The following MAGI2 variants were observed in gnomAD, a reference collection of about 807,000 sequenced individuals.
MAGI2 encodes membrane-associated guanylate kinase, WW and PDZ domain-containing protein 2.
Under a neutral mutation model 133.3 loss-of-function variants are expected in MAGI2, and 35 were observed. The observed-to-expected ratio is 0.26, with a 90% CI of 0.20 to 0.35. The LOEUF is 0.35. Ranked by LOEUF, MAGI2 falls within the 10% of genes least tolerant of loss-of-function variation. The probability of loss-of-function intolerance (pLI) is 1.00; values close to 1 mark genes in which losing one functional copy is unlikely to be tolerated. For synonymous variants in MAGI2, 729 were observed against 710.6 expected, an observed-to-expected ratio of 1.03 and a Z score of -0.41; for missense variants, 1,636 against 1,863.4, an observed-to-expected ratio of 0.88 and a Z score of 2.25.
At chr7:78,269,157 T>A (rs1794316148) in intron 9 of MAGI2, among the ~76,000 whole-genome samples, 1 of 152,240 alleles carries the variant, frequency 6.6e-6, no homozygotes, top group African/African-American at 2.4e-5. Flanking sequence ...GGTGTATATA[T>A]GCCACATTTT....
At chr7:78,393,498 C>A (rs1796085786) in intron 6 of MAGI2, among the ~76,000 whole-genome samples, 1 of 152,160 alleles carries the variant, frequency 6.6e-6, no homozygotes, top group Non-Finnish European at 1.5e-5. Flanking sequence ...TCTTATTGTC[C>A]ACAACTGGTT....
At chr7:78,696,535 T>G (rs373059399) in intron 2 of MAGI2, among the ~76,000 whole-genome samples, 4 of 152,306 alleles carry the variant, frequency 2.6e-5, no homozygotes, top group South Asian at 4.1e-4. Context: ...CATCCACAGA[T>G]GAAGGACAAA....
At chr7:78,827,882 T>C (rs1790802810) in intron 2 of MAGI2, among the ~76,000 whole-genome samples, 1 of 152,066 alleles carries the variant, frequency 6.6e-6, no homozygotes, top group Admixed American at 6.6e-5. Context: ...GCTCCCCACC[T>C]CTTATTTTAT....
intron 2 of MAGI2, among the ~76,000 whole-genome samples, chr7:78,888,336 C>A (rs1252335381): frequency 3.9e-5 from 6 of 152,158 alleles, no homozygotes; most frequent in Non-Finnish European, 8.8e-5. Flanking sequence ...CAGCAGAAAC[C>A]TCTGCAGACT....
intron 2 of MAGI2, among the ~76,000 whole-genome samples, chr7:78,912,027 A>G (rs1420145023): frequency 6.6e-6 from 1 of 152,168 alleles, no homozygotes. Context: ...ACCAAAAATT[A>G]TATTTTTAAT....
intron 9 of MAGI2, among the ~76,000 whole-genome samples, chr7:78,338,426 G>T (rs2691513): frequency 0.48 from 72,616 of 151,950 alleles, 17,802 homozygotes; most frequent in Non-Finnish European, 0.52. Flanking sequence ...CCAGCAGAAC[G>T]GATTCCCCCT....
chr7:78,275,129 G>T (rs1383287438), intron 9 of MAGI2, among the ~76,000 whole-genome samples: 4 of 152,330 alleles, frequency 2.6e-5, no homozygotes, highest in African/African-American at 9.6e-5. Flanking sequence ...GGTGGGAAAA[G>T]CACAGTATCT....
intron 16 of MAGI2, among the ~76,000 whole-genome samples, chr7:78,136,277 G>A (rs775307278): frequency 1.6e-4 from 25 of 151,980 alleles, no homozygotes; most frequent in Non-Finnish European, 3.4e-4. Flanking sequence ...CCGCGACCAC[G>A]CCTGGCTAAT....
At chr7:78,345,212 A>G (rs1790769856) in intron 8 of MAGI2, among the ~76,000 whole-genome samples, 1 of 152,204 alleles carries the variant, frequency 6.6e-6, no homozygotes, top group Non-Finnish European at 1.5e-5. Context: ...TCTTTATCAA[A>G]TTAATGTTTA....
intron 1 of MAGI2, among the ~76,000 whole-genome samples, chr7:79,382,388 T>C (rs961813651): frequency 2.2e-4 from 33 of 151,630 alleles, no homozygotes; most frequent in Non-Finnish European, 5.9e-5. Flanking sequence ...ATTATCATTA[T>C]TAGAATCTCA....
chr7:78,216,433 C>T (rs149908757), intron 10 of MAGI2, among the ~76,000 whole-genome samples: 593 of 152,340 alleles, frequency 3.9e-3, no homozygotes, highest in Middle Eastern at 0.01. Flanking sequence ...TTGTAATTGG[C>T]TTCCCCATGC....
At chr7:78,297,400 C>G (rs1451905720) in intron 9 of MAGI2, among the ~76,000 whole-genome samples, 2 of 152,032 alleles carry the variant, frequency 1.3e-5, no homozygotes, top group African/African-American at 4.8e-5. Context: ...ACTAGTTCAA[C>G]CATTGTGGAA....
intron 1 of MAGI2, among the ~76,000 whole-genome samples, chr7:79,433,938 C>G (rs1194483261): frequency 2.0e-5 from 3 of 152,098 alleles, no homozygotes; most frequent in African/African-American, 7.2e-5. Flanking sequence ...TTATTTCTGA[C>G]TACTCAGACA....
At chr7:78,574,717 T>C (rs1584702108) in intron 3 of MAGI2, among the ~76,000 whole-genome samples, 1 of 152,232 alleles carries the variant, frequency 6.6e-6, no homozygotes, top group South Asian at 2.1e-4. Flanking sequence ...AATAGAATTA[T>C]AGTCCTCACC....
chr7:79,209,862 T>G (rs754680309), intron 1 of MAGI2, among the ~76,000 whole-genome samples: 14 of 152,098 alleles, frequency 9.2e-5, no homozygotes, highest in Non-Finnish European at 2.1e-4. Context: ...GATTCATTCT[T>G]TTATCTTTCA....
At chr7:78,128,462 T>C (rs1821218203) in intron 18 of MAGI2, among the ~76,000 whole-genome samples, 1 of 152,126 alleles carries the variant, frequency 6.6e-6, no homozygotes, top group Admixed American at 6.5e-5. Flanking sequence ...CTAAAATTAA[T>C]TGGAGGGTAT....
At chr7:79,048,554 A>T (rs6978423) in intron 1 of MAGI2, among the ~76,000 whole-genome samples, 78,978 of 152,132 alleles carry the variant, frequency 0.52, 23,696 homozygotes, top group African/African-American at 0.84. Context: ...GACATAAATA[A>T]TGAGTAAATG....
At chr7:78,638,078 A>T (rs1415268873) in intron 2 of MAGI2, among the ~76,000 whole-genome samples, 1 of 151,912 alleles carries the variant, frequency 6.6e-6, no homozygotes, top group Admixed American at 6.5e-5. Flanking sequence ...AAAAATAAAA[A>T]GAAAAGAAAA....
chr7:78,324,995 T>C (rs1788439762), intron 9 of MAGI2, among the ~76,000 whole-genome samples: 1 of 152,116 alleles, frequency 6.6e-6, no homozygotes, highest in South Asian at 2.1e-4. Context: ...CAAAATAAAA[T>C]AAAACAATGA....
Sources: allele counts gnomAD v4.1 joint callset (sites outside exome capture counted in the v4.1 genomes callset), GRCh38; gene constraint gnomAD v4.1.1; transcripts MANE v1.5; gene names NCBI Gene and HGNC (gene_info 2026-07-23, HGNC 2026-07-21).